CFAP20DC: variants seen among roughly 807,000 people sequenced by gnomAD.
The protein encoded by CFAP20DC is protein CFAP20DC.
In CFAP20DC, 84 loss-of-function variants were observed where a neutral mutation model predicts 101.7. That is an observed-to-expected ratio of 0.83 (90% confidence interval 0.69 to 0.99). The LOEUF (loss-of-function observed/expected upper bound fraction) is 0.99, where lower values mean the gene tolerates loss of function less well. CFAP20DC is among the 50% of genes least tolerant of loss of function. CFAP20DC has a pLI of 0.00. For synonymous variants in CFAP20DC, 359 were observed against 351.2 expected (o/e 1.02, Z -0.25); for missense variants, 1,007 against 970.3 (o/e 1.04, Z -0.50).
chr3:59,040,621 C>T (rs1309819704), intron 3 of CFAP20DC, among the ~76,000 whole-genome samples: 1 of 151,942 alleles, frequency 6.6e-6, no homozygotes, highest in Non-Finnish European at 1.5e-5. Flanking sequence ...GTCTAAAACT[C>T]ATGCTATTTT....
chr3:58,829,121 C>CA lies in CFAP20DC; in HGVS notation c.2175+2564dup, dbSNP rs551802914. On this transcript the variant is annotated intron_variant, in intron 14 of 16. Transcript: ENST00000482387. ...CCAAGGTGGGTGGATCATTTGAGGT[C>CA]AGGAGTTTGAGACCAGCCTGGCCAA... Among the ~76,000 whole-genome samples the CA allele has an allele frequency of 6.4e-3, 980 of 152,078 alleles. 8 individuals carry two copies. The highest frequency in any genetic ancestry group is 8.8e-3 in the Non-Finnish European group (598 of 67,976).
intron 4 of CFAP20DC, among the ~76,000 whole-genome samples, chr3:59,027,958 A>G (rs751998142): frequency 6.6e-6 from 1 of 152,244 alleles, no homozygotes; most frequent in Non-Finnish European, 1.5e-5. Context: ...AGAAAACTGC[A>G]ACTAATATTA....
chr3:58,880,517 G>A (rs902375886), intron 7 of CFAP20DC, among the ~76,000 whole-genome samples: 2 of 152,028 alleles, frequency 1.3e-5, no homozygotes, highest in African/African-American at 4.8e-5. Flanking sequence ...ATATCTAAAG[G>A]AGAAATGTAA....
chr3:58,793,548 T>C (rs1404123099), intron 15 of CFAP20DC, among the ~76,000 whole-genome samples: 1 of 152,024 alleles, frequency 6.6e-6, no homozygotes, highest in African/African-American at 2.4e-5. Flanking sequence ...AGAGGGCAGA[T>C]GGCAAAAAAA....
At chr3:58,757,643 A>G (rs544343647) in intron 15 of CFAP20DC, among the ~76,000 whole-genome samples, 10 of 152,106 alleles carry the variant, frequency 6.6e-5, no homozygotes, top group South Asian at 6.2e-4. Flanking sequence ...GTTTTCTTCC[A>G]TTTACTTAAA....
At chr3:58,962,056 T>C (rs1253360194) in intron 4 of CFAP20DC, among the ~76,000 whole-genome samples, 1 of 152,216 alleles carries the variant, frequency 6.6e-6, no homozygotes, top group African/African-American at 2.4e-5. Context: ...CTGCTTTCTT[T>C]GCATTTAGTT....
In CFAP20DC at chr3:59,014,098, A is replaced by G. The variant is rs2093642950; in HGVS notation, c.278+25459T>C. ...ATTTAAACAGTTGTTTGCACATTCA[A>G]TATTTATAACCCAAATCTTGCATGA... On this transcript the variant is annotated intron_variant, in intron 4 of 16. Coordinates refer to ENST00000482387, the MANE Select transcript of CFAP20DC (RefSeq NM_001394063.1). The surrounding 1 kb of genome is among the most constrained non-coding windows in gnomAD (Gnocchi z 4.9). Among the ~76,000 whole-genome samples, 1 of 152,192 alleles carries G rather than the reference A, an allele frequency of 6.6e-6. No homozygotes were observed. The highest frequency in any genetic ancestry group is 2.4e-5 in the African/African-American group (1 of 41,452).
intron 7 of CFAP20DC, 29 bp downstream of exon 7, chr3:58,884,516 A>G: frequency 6.2e-7 from 1 of 1,604,332 alleles, no homozygotes; most frequent in African/African-American, 1.3e-5. Context: ...GACATATTAC[A>G]CTTATAATTT....
intron 4 of CFAP20DC, among the ~76,000 whole-genome samples, chr3:58,966,495 T>C (rs1450916408): frequency 3.5e-4 from 39 of 112,958 alleles, no homozygotes; most frequent in African/African-American, 1.0e-3. Context: ...TATATACACA[T>C]ATGTGTGTGT....
chr3:58,762,265 T>C (rs1465903546), intron 15 of CFAP20DC, among the ~76,000 whole-genome samples: 1 of 152,224 alleles, frequency 6.6e-6, no homozygotes, highest in Non-Finnish European at 1.5e-5. Flanking sequence ...CTCTTCTTAT[T>C]GAATTGATCC....
chr3:58,720,199 G>T (rs192225988), intron 3 of CFAP20DC, among the ~76,000 whole-genome samples: 3 of 152,364 alleles, frequency 2.0e-5, no homozygotes, highest in African/African-American at 7.2e-5. Flanking sequence ...TGTGAGGACA[G>T]GGCCTTTGGC....
At chr3:58,991,759 G>A (rs890514141) in intron 4 of CFAP20DC, among the ~76,000 whole-genome samples, 6 of 152,104 alleles carry the variant, frequency 3.9e-5, no homozygotes, top group African/African-American at 1.4e-4. Flanking sequence ...GACAGGAGGC[G>A]GAGGTCAGGT....
chr3:58,915,738 G>A (rs2084626118), intron 5 of CFAP20DC, among the ~76,000 whole-genome samples: 2 of 152,170 alleles, frequency 1.3e-5, no homozygotes, highest in South Asian at 4.2e-4. Context: ...GGTATTATAT[G>A]CAAATATAAG....
At chr3:58,883,167 T>C (rs2081352223) in intron 7 of CFAP20DC, among the ~76,000 whole-genome samples, 1 of 152,238 alleles carries the variant, frequency 6.6e-6, no homozygotes, top group African/African-American at 2.4e-5. Context: ...CATCCCCATC[T>C]ATTACCTGAG....
At chr3:58,818,207 C>T (rs948565340) in intron 14 of CFAP20DC, among the ~76,000 whole-genome samples, 13 of 151,842 alleles carry the variant, frequency 8.6e-5, no homozygotes, top group African/African-American at 1.5e-4. Flanking sequence ...TAAAGACCAT[C>T]GAGACTAGAA....
At chr3:59,044,935 C>A (rs1400541477) in intron 3 of CFAP20DC, among the ~76,000 whole-genome samples, 1 of 151,666 alleles carries the variant, frequency 6.6e-6, no homozygotes, top group Non-Finnish European at 1.5e-5. Context: ...TCTTAGTTCA[C>A]CTCATTTATA....
At chr3:58,900,329 G>T (rs771857804) in intron 6 of CFAP20DC, among the ~76,000 whole-genome samples, 11 of 152,152 alleles carry the variant, frequency 7.2e-5, no homozygotes, top group Admixed American at 1.3e-4. Flanking sequence ...ATAACAGCCT[G>T]GACTAGATTA....
intron 5 of CFAP20DC, among the ~76,000 whole-genome samples, chr3:58,919,900 T>C (rs2085153637): frequency 6.6e-6 from 1 of 152,116 alleles, no homozygotes; most frequent in Non-Finnish European, 1.5e-5. Context: ...GTTGTTTTGT[T>C]TTTATAGATT....
At chr3:58,849,482 T>A in intron 12 of CFAP20DC, 73 bp from the exon 13 acceptor site, 1 of 1,112,984 alleles carries the variant, frequency 9.0e-7, no homozygotes, top group African/African-American at 1.6e-5. Flanking sequence ...GTACAAGTTC[T>A]TAATAAATTC....
Sources: allele counts gnomAD v4.1 joint callset (sites outside exome capture counted in the v4.1 genomes callset), GRCh38; gene constraint gnomAD v4.1.1; non-coding constraint Gnocchi (gnomAD v3.1); transcripts MANE v1.5; gene names NCBI Gene and HGNC (gene_info 2026-07-23, HGNC 2026-07-21).